Variants in ROR2 observed in about 807,000 individuals in gnomAD.
ROR2 encodes ROR family WNT receptor 2.
In ROR2, 33 loss-of-function variants were observed where a neutral mutation model predicts 74.9. The ratio of observed to expected loss-of-function variants is 0.44; its 90% CI spans 0.33 to 0.59. The LOEUF (loss-of-function observed/expected upper bound fraction) is 0.59. Ranked by LOEUF, ROR2 falls within the 20% of genes least tolerant of loss-of-function variation. ROR2 has a pLI of 0.02. For synonymous variants in ROR2, 586 were observed against 558.7 expected (o/e 1.05, Z -0.69); for missense variants, 1,216 against 1,313.8 (o/e 0.93, Z 1.15).
intron 1 of ROR2, among the ~76,000 whole-genome samples, chr9:91,778,866 T>G (rs2118948917): frequency 6.6e-6 from 1 of 152,308 alleles, no homozygotes; most frequent in South Asian, 2.1e-4. Context: ...AGGGGAGTAG[T>G]GATTTATAAG....
At chr9:91,851,319 A>G (rs1829082072) in intron 1 of ROR2, among the ~76,000 whole-genome samples, 1 of 150,084 alleles carries the variant, frequency 6.7e-6, no homozygotes, top group Admixed American at 6.7e-5. Context: ...GCCACTGCAC[A>G]CTCCACCCTG....
At chr9:91,865,720 G>A (rs1209344108) in intron 1 of ROR2, among the ~76,000 whole-genome samples, 1 of 152,184 alleles carries the variant, frequency 6.6e-6, no homozygotes, top group Non-Finnish European at 1.5e-5. Flanking sequence ...TTTGGTTGGA[G>A]GCATGGGGGT....
intron 2 of ROR2, among the ~76,000 whole-genome samples, chr9:91,768,219 C>A (rs1826119700): frequency 6.6e-6 from 1 of 152,166 alleles, no homozygotes; most frequent in Non-Finnish European, 1.5e-5. Flanking sequence ...GTCTCCAGAG[C>A]TGAGAGAAAA....
Position 91,724,707 on chromosome 9 carries a change from AC to A in ROR2, c.1786del (p.Val596TrpfsTer27). 6.2e-7 allele frequency: 1 copy of A among 1,614,192 alleles called. No individual in the cohort carries two copies. Among genetic ancestry groups the A allele is most frequent in the Non-Finnish European group, 8.5e-7 (1 of 1,180,034 alleles). ...CTCCATCCCCGCCGCGATCTGTGCC[AC>A]AAGGTGCACGAAGTCGGGGGGCTCC... ...ALEPPDFVHL[V>X]AQIAAGMEYL... On this transcript the variant is annotated frameshift_variant, in exon 9 of 9. Transcript: ENST00000375708. LOFTEE classifies it high-confidence loss of function.
intron 1 of ROR2, among the ~76,000 whole-genome samples, chr9:91,898,248 G>T (rs563624785): frequency 6.6e-6 from 1 of 152,238 alleles, no homozygotes; most frequent in African/African-American, 2.4e-5. Context: ...AACTTCCCTC[G>T]GAGGAAAGGT....
At chr9:91,862,027 T>G (rs1829483339) in intron 1 of ROR2, among the ~76,000 whole-genome samples, 1 of 151,834 alleles carries the variant, frequency 6.6e-6, no homozygotes, top group Non-Finnish European at 1.5e-5. Context: ...GGTGCCCTTA[T>G]AAGAAGAAGA....
intron 1 of ROR2, among the ~76,000 whole-genome samples, chr9:91,828,187 T>G (rs1828350482): frequency 2.0e-5 from 3 of 152,258 alleles, no homozygotes; most frequent in Admixed American, 2.0e-4. Context: ...TATTCTTACA[T>G]ACTTTCTTAT....
chr9:91,836,983 G>C (rs1156711154), intron 1 of ROR2, among the ~76,000 whole-genome samples: 1 of 152,170 alleles, frequency 6.6e-6, no homozygotes, highest in Non-Finnish European at 1.5e-5. Flanking sequence ...AGAAATTACA[G>C]TAATTTAAGA....
At chr9:91,727,415 T>TA (rs71362358) in intron 7 of ROR2, among the ~76,000 whole-genome samples, 4,041 of 151,460 alleles carry the variant, frequency 0.027, 177 homozygotes, top group African/African-American at 0.093. Flanking sequence ...TTTTTTTTTT[T>TA]AAATCACAGG....
At chr9:91,822,831 C>A (rs112755748) in intron 1 of ROR2, among the ~76,000 whole-genome samples, 1 of 152,140 alleles carries the variant, frequency 6.6e-6, no homozygotes, top group Non-Finnish European at 1.5e-5. Flanking sequence ...CTGACCCCTA[C>A]GTGTGATGCA....
chr9:91,864,070 CTTAGTTTGGG>C (rs1402591686), intron 1 of ROR2, among the ~76,000 whole-genome samples: 1 of 152,140 alleles, frequency 6.6e-6, no homozygotes, highest in African/African-American at 2.4e-5. Context: ...TGCAGGCGGG[CTTAGTTTGGG>C]AGATAAACTC....
chr9:91,726,573 T>C lies in ROR2; in HGVS notation c.1354A>G (p.Met452Val). 1.2e-6 allele frequency: 2 copies of C among 1,613,160 alleles called. No individual in the cohort carries two copies. Among genetic ancestry groups the C allele is most frequent in the Non-Finnish European group, 1.7e-6 (2 of 1,180,024 alleles). ...RQLMASPSQD[M>V]EMPLINQHKQ... is the part of the protein sequence containing the mutation. ...TGCTGGTTAATGAGGGGCATTTCCA[T>C]GTCTTGGCTGGGCGAGGCCATCAGC... Residue 452 changes from methionine (M) to valine (V), a missense_variant, in exon 8 of 9, where the codon ATG becomes GTG. Coordinates refer to ENST00000375708, the MANE Select transcript of ROR2 (RefSeq NM_004560.4).
chr9:91,780,889 G>C (rs994004238), intron 1 of ROR2, among the ~76,000 whole-genome samples: 1 of 152,190 alleles, frequency 6.6e-6, no homozygotes, highest in African/African-American at 2.4e-5. Flanking sequence ...ATTAACAGCA[G>C]TCACACCATT....
intron 1 of ROR2, among the ~76,000 whole-genome samples, chr9:91,845,182 C>T (rs899387810): frequency 3.3e-5 from 5 of 152,084 alleles, no homozygotes; most frequent in East Asian, 1.9e-4. Context: ...AGCCTCTGCA[C>T]GCACCCCTCC....
At chr9:91,790,538 A>T (rs1247027519) in intron 1 of ROR2, among the ~76,000 whole-genome samples, 1 of 152,010 alleles carries the variant, frequency 6.6e-6, no homozygotes, top group African/African-American at 2.4e-5. Flanking sequence ...AGTACAGCAC[A>T]TAAAATTATG....
In ROR2 at chr9:91,854,348, T is replaced by C. The variant is rs548442717; in HGVS notation, c.98-78530A>G. ...CTGCAGGAGGTGGTGAGGCGTAGGA[T>C]AGGGGCCAATGGCAACACTCTCCAC... On this transcript the variant is annotated intron_variant, in intron 1 of 8. Coordinates refer to ENST00000375708, the MANE Select transcript of ROR2 (RefSeq NM_004560.4). Among the ~76,000 whole-genome samples the C allele has an allele frequency of 2.0e-4, 30 of 152,236 alleles. No homozygotes were observed. The South Asian group carries it at 5.0e-3, about 25-fold the overall frequency.
At chr9:91,819,574 CTG>C (rs1476132408) in intron 1 of ROR2, among the ~76,000 whole-genome samples, 1 of 150,742 alleles carries the variant, frequency 6.6e-6, no homozygotes, top group Non-Finnish European at 1.5e-5. Flanking sequence ...TCTGAATATT[CTG>C]TGTGTCTCTG....
intron 1 of ROR2, among the ~76,000 whole-genome samples, chr9:91,796,213 A>C (rs1202773449): frequency 1.3e-5 from 2 of 152,116 alleles, no homozygotes; most frequent in Non-Finnish European, 2.9e-5. Context: ...AGGCTGAGGC[A>C]GGTGGAATGC....
intron 1 of ROR2, among the ~76,000 whole-genome samples, chr9:91,924,204 C>A (rs577217696): frequency 2.5e-4 from 38 of 152,346 alleles, no homozygotes; most frequent in African/African-American, 8.7e-4. Context: ...GTGATCCCTC[C>A]TGCTGCCCAG....
Sources: gnomAD v4.1 joint callset for allele counts (sites outside exome capture counted in the v4.1 genomes callset) on GRCh38, gnomAD v4.1.1 for gene constraint, MANE v1.5 for transcripts, NCBI Gene and HGNC (gene_info 2026-07-23, HGNC 2026-07-21) for gene names.